The following CTNNA3 variants were observed in gnomAD, a reference collection of about 807,000 sequenced individuals.
The protein encoded by CTNNA3 is catenin alpha 3, also known as catenin alpha-3.
CTNNA3 carries 76 observed loss-of-function variants against 95.7 expected under a neutral mutation model. The ratio of observed to expected loss-of-function variants is 0.79; its 90% confidence interval spans 0.66 to 0.96. The LOEUF is 0.96. CTNNA3 is among the 40% of genes least tolerant of loss of function. The pLI, the probability that CTNNA3 is intolerant of heterozygous loss-of-function variation, is 0.00. For missense variants in CTNNA3, 1,191 were observed against 1,089.8 expected (o/e 1.09, Z -1.31); for synonymous variants, 431 against 374.4 (o/e 1.15, Z -1.74).
intron 10 of CTNNA3, among the ~76,000 whole-genome samples, chr10:66,562,166 G>T (rs2132137144): frequency 6.6e-6 from 1 of 152,190 alleles, no homozygotes; most frequent in African/African-American, 2.4e-5. Flanking sequence ...GAATGTTGGT[G>T]CTAGAACAGG....
intron 7 of CTNNA3, among the ~76,000 whole-genome samples, chr10:66,778,894 T>G (rs892556058): frequency 3.9e-5 from 6 of 152,066 alleles, no homozygotes; most frequent in African/African-American, 1.4e-4. Flanking sequence ...GAGAATTGCT[T>G]GAACCCAGGA....
chr10:67,320,108 G>A (rs1841247604), intron 5 of CTNNA3, among the ~76,000 whole-genome samples: 1 of 151,986 alleles, frequency 6.6e-6, no homozygotes, highest in African/African-American at 2.4e-5. Context: ...GGAAATATGA[G>A]GTTTCCATTT....
chr10:66,672,370 T>C (rs936916744), intron 9 of CTNNA3, among the ~76,000 whole-genome samples: 2 of 152,052 alleles, frequency 1.3e-5, no homozygotes, highest in Non-Finnish European at 1.5e-5. Context: ...AAACAAACAC[T>C]AGCAACCCCA....
At chr10:66,620,150 TG>T (rs1289785641) in intron 10 of CTNNA3, among the ~76,000 whole-genome samples, 1 of 152,140 alleles carries the variant, frequency 6.6e-6, no homozygotes, top group Non-Finnish European at 1.5e-5. Context: ...GTTGATAGAA[TG>T]TCTTAACGAG....
At chr10:66,823,749 T>C (rs1842384722) in intron 7 of CTNNA3, among the ~76,000 whole-genome samples, 1 of 152,212 alleles carries the variant, frequency 6.6e-6, no homozygotes, top group South Asian at 2.1e-4. Flanking sequence ...ATTCTCAAAT[T>C]GAATTTAGGA....
At chr10:67,537,727 G>T (rs1410434300) in intron 4 of CTNNA3, among the ~76,000 whole-genome samples, 1 of 152,098 alleles carries the variant, frequency 6.6e-6, no homozygotes, top group Non-Finnish European at 1.5e-5. Context: ...TGGGTCATTG[G>T]AACTAGGAAT....
chr10:67,718,113 TTCTG>T (rs1440841405), intron 1 of CTNNA3, among the ~76,000 whole-genome samples: 3 of 150,212 alleles, frequency 2.0e-5, no homozygotes, highest in Non-Finnish European at 3.0e-5. Context: ...TGATTTGGCT[TTCTG>T]TCTGTTATTG....
chr10:66,494,032 C>T (rs550194607), intron 11 of CTNNA3, among the ~76,000 whole-genome samples: 1 of 150,160 alleles, frequency 6.7e-6, no homozygotes, highest in Non-Finnish European at 1.5e-5. Context: ...CTCAGCCTCT[C>T]GAGTAGCTAG....
intron 9 of CTNNA3, among the ~76,000 whole-genome samples, chr10:66,633,224 T>G (rs1052092772): frequency 3.3e-5 from 5 of 152,126 alleles, no homozygotes; most frequent in Non-Finnish European, 7.3e-5. Context: ...AAAACTTTAT[T>G]TGTAAAAGCG....
chr10:67,148,555 TGTCCTTACTGTA>T (rs1860944739), intron 7 of CTNNA3, among the ~76,000 whole-genome samples: 1 of 152,220 alleles, frequency 6.6e-6, no homozygotes, highest in Admixed American at 6.5e-5. Context: ...AATGCAGGCT[TGTCCTTACTGTA>T]ATTCCTTCTT....
At chr10:67,479,489 C>T (rs1848139359) in intron 5 of CTNNA3, among the ~76,000 whole-genome samples, 1 of 152,072 alleles carries the variant, frequency 6.6e-6, no homozygotes. Flanking sequence ...AAACAACTTG[C>T]TTCTAAATGA....
chr10:66,705,036 A>G (rs1330471914), intron 9 of CTNNA3, among the ~76,000 whole-genome samples: 2 of 151,786 alleles, frequency 1.3e-5, no homozygotes, highest in Admixed American at 6.6e-5. Context: ...CATTTTATAG[A>G]CCCCTCTTAT....
chr10:66,259,054 T>C (rs12413707), intron 13 of CTNNA3, among the ~76,000 whole-genome samples: 59,187 of 152,038 alleles, frequency 0.39, 11,628 homozygotes, highest in African/African-American at 0.43. Flanking sequence ...CTTTATTCCT[T>C]GTTACTCTTC....
At chr10:67,110,679 A>T (rs976651669) in intron 7 of CTNNA3, among the ~76,000 whole-genome samples, 9 of 152,180 alleles carry the variant, frequency 5.9e-5, no homozygotes, top group Non-Finnish European at 5.9e-5. Context: ...TAATTAAAAC[A>T]TCTGCATAAT....
At chr10:67,154,688 C>A (rs1487895231) in intron 7 of CTNNA3, among the ~76,000 whole-genome samples, 1 of 152,130 alleles carries the variant, frequency 6.6e-6, no homozygotes, top group African/African-American at 2.4e-5. Context: ...CCCCTCCAAT[C>A]CTATAGCGAC....
intron 17 of CTNNA3, among the ~76,000 whole-genome samples, chr10:65,947,235 A>T (rs1437651656): frequency 6.6e-6 from 1 of 152,176 alleles, no homozygotes. Flanking sequence ...ACAAAAAAAC[A>T]GTTTCATAAT....
In CTNNA3 at chr10:67,070,443, G is replaced by A. The variant is rs768993141; in HGVS notation, c.1047+109874C>T. Among the ~76,000 whole-genome samples, 109 of 151,902 alleles carry A rather than the reference G, an allele frequency of 7.2e-4. 2 individuals are homozygous for A. Among genetic ancestry groups the A allele is most frequent in the Admixed American group, 9.8e-4 (15 of 15,256 alleles). On this transcript the variant is annotated intron_variant, in intron 7 of 17. Coordinates refer to ENST00000433211, the MANE Select transcript of CTNNA3 (RefSeq NM_013266.4). The stretch of plus-strand genomic sequence containing the variant: ...CTCTATATATATATTTTTTATGTTT[G>A]TGTCCCGATTAAGAAATCCTTGTGG...
chr10:66,189,600 T>TTATATATATATATATATATATGTATA, intron 13 of CTNNA3, among the ~76,000 whole-genome samples: 1 of 89,318 alleles, frequency 1.1e-5, no homozygotes, highest in South Asian at 4.0e-4. Context: ...TACTATAGAT[T>TTATATATATATATATATATATGTATA]TATATATATA....
intron 12 of CTNNA3, among the ~76,000 whole-genome samples, chr10:66,357,360 C>T (rs1250890084): frequency 2.6e-5 from 4 of 151,920 alleles, no homozygotes; most frequent in East Asian, 1.9e-4. Context: ...ACATACCATG[C>T]GAGTCACCCT....
Sources: gnomAD v4.1 joint callset for allele counts (sites outside exome capture counted in the v4.1 genomes callset) on GRCh38, gnomAD v4.1.1 for gene constraint, MANE v1.5 for transcripts, NCBI Gene and HGNC (gene_info 2026-07-23, HGNC 2026-07-21) for gene names.